The following GAGE12J variants were observed in gnomAD, a reference collection of about 807,000 sequenced individuals.
GAGE12J encodes the protein G antigen 12J.
Under a neutral mutation model 8.5 loss-of-function variants are expected in GAGE12J, and 5 were observed. That is an observed-to-expected ratio of 0.59 (90% CI 0.31 to 1.24). GAGE12J has a LOEUF of 1.24. Ranked by LOEUF, GAGE12J falls within the 50% of genes most tolerant of loss-of-function variation. The probability of loss-of-function intolerance (pLI) is 0.06; values close to 1 mark genes in which losing one functional copy is unlikely to be tolerated. For missense variants in GAGE12J, 26 were observed against 63.0 expected (o/e 0.41, Z 1.99); for synonymous variants, 10 against 19.2 (o/e 0.52, Z 1.25).
chrX:49,328,173 T>C lies in GAGE12J; in HGVS notation c.332-1098T>C, dbSNP rs6609882. 3.0e-4 allele frequency among the ~76,000 whole-genome samples: 23 copies of C among 75,531 alleles called. 1 individual carries two copies. Among genetic ancestry groups the C allele is most frequent in the Middle Eastern group, 8.9e-3 (1 of 112 alleles). The allele number at this position is 75,531 out of a possible 115,157, so 65.6% of individuals were successfully genotyped here. A position where few individuals can be genotyped will look rare whatever the true frequency, so the allele number is the denominator to read the frequency against. ...GCACGTTGTGCAGGTTAGTTACATA[T>C]GTATACATGTGCCATGCTGTTGCAC... On this transcript the variant is annotated intron_variant, in intron 4 of 4. Coordinates refer to ENST00000442437, the MANE Select transcript of GAGE12J (RefSeq NM_001098406.4).
At position 49,329,272 on chromosome X, in the gene GAGE12J, TG is replaced by T. The variant is rs1943819925; in HGVS notation, c.334del (p.Glu112LysfsTer30). Reference protein sequence around the residue: ...PEEVKTPEEGEKQSQC With the variant: ...PEEVKTPEEGXKQSQC Reference sequence around the variant, plus strand: ...CCAATCGTTGTGTTTCTGTTACAGGTGAAAAGCAATCACAGTGTTAAAAGAA... The same window carrying T: ...CCAATCGTTGTGTTTCTGTTACAGGTAAAAGCAATCACAGTGTTAAAAGAA... On this transcript the variant is annotated frameshift_variant and splice_region_variant, in exon 5 of 5. Coordinates refer to ENST00000442437, the MANE Select transcript of GAGE12J (RefSeq NM_001098406.4). LOFTEE classifies it high-confidence loss of function. 5.5e-6 allele frequency: 2 copies of T among 361,451 alleles called. No homozygotes were observed. The highest frequency in any genetic ancestry group is 1.3e-4 in the Admixed American group (2 of 15,299). The allele number at this position is 361,451 out of a possible 1,213,427, so 29.8% of individuals were successfully genotyped here.
chrX:49,323,286 T>G lies in GAGE12J; in HGVS notation c.84+9T>G. 8.7e-7 allele frequency: 1 copy of G among 1,144,044 alleles called. No homozygotes were observed. The highest frequency in any genetic ancestry group is 1.8e-5 in the South Asian group (1 of 55,320). The allele number at this position is 1,144,044 out of a possible 1,213,427, so 94.3% of individuals were successfully genotyped here. ...TGATTGGGCCTATGCGGGTGAGTGCTTGAACGTTAATTCGATGTTTTCTAT... is the reference window on the plus strand; with the variant it reads ...TGATTGGGCCTATGCGGGTGAGTGCGTGAACGTTAATTCGATGTTTTCTAT... On this transcript the variant is annotated intron_variant, in intron 2 of 4. Coordinates refer to ENST00000442437, the MANE Select transcript of GAGE12J (RefSeq NM_001098406.4).
In GAGE12J at chrX:49,323,293, T is replaced by A. The variant is rs782493893; in HGVS notation, c.84+16T>A. ...GCCTATGCGGGTGAGTGCTTGAACGTTAATTCGATGTTTTCTATTAGTAGA... is the reference window on the plus strand; with the variant it reads ...GCCTATGCGGGTGAGTGCTTGAACGATAATTCGATGTTTTCTATTAGTAGA... On this transcript the variant is annotated intron_variant, in intron 2 of 4. Coordinates refer to ENST00000442437, the MANE Select transcript of GAGE12J (RefSeq NM_001098406.4). The A allele has an allele frequency of 4.4e-5, 50 of 1,134,217 alleles. 2 individuals are homozygous for A. The highest frequency in any genetic ancestry group is 6.7e-5 in the Admixed American group (3 of 44,572). 93.5% of individuals were successfully genotyped at this position (1,134,217 alleles called of 1,213,427 possible).
intron 3 of GAGE12J, 89 bp downstream of exon 3, chrX:49,323,952 G>T (rs2066434563): frequency 1.3e-5 from 15 of 1,148,961 alleles, no homozygotes; most frequent in Non-Finnish European, 3.5e-6. Context: ...GTGTGTGTGT[G>T]TGTGTGTTAG....
rs782493893 is a variant in GAGE12J at position 49,323,293 on chromosome X, T to C, written c.84+16T>C. 8.8e-7 allele frequency: 1 copy of C among 1,136,220 alleles called. No homozygotes were observed. The highest frequency in any genetic ancestry group is 2.2e-5 in the Admixed American group (1 of 44,894). The allele number at this position is 1,136,220 out of a possible 1,213,427, so 93.6% of individuals were successfully genotyped here. A position where few individuals can be genotyped will look rare whatever the true frequency, so the allele number is the denominator to read the frequency against. Reference sequence around the variant, plus strand: ...GCCTATGCGGGTGAGTGCTTGAACGTTAATTCGATGTTTTCTATTAGTAGA... The same window carrying C: ...GCCTATGCGGGTGAGTGCTTGAACGCTAATTCGATGTTTTCTATTAGTAGA... On this transcript the variant is annotated intron_variant, in intron 2 of 4. Coordinates refer to ENST00000442437, the MANE Select transcript of GAGE12J (RefSeq NM_001098406.4).
rs6651595 is a variant in GAGE12J at position 49,323,337 on chromosome X, C to T, written c.84+60C>T. ...TAGTAGAAATTAATTTTTGTGATAG[C>T]GTTGTTGCATTAGTGTGGAAATGCT... On this transcript the variant is annotated intron_variant, in intron 2 of 4. Transcript: ENST00000442437. 410 of 974,110 alleles carry T rather than the reference C, an allele frequency of 4.2e-4. 6 individuals are homozygous for T. In the African/African-American group the frequency reaches 6.9e-3, roughly 16 times the overall value. 80.3% of individuals were successfully genotyped at this position (974,110 alleles called of 1,213,427 possible).
intron 3 of GAGE12J, among the ~76,000 whole-genome samples, chrX:49,325,727 A>T (rs2066442563): frequency 1.3e-5 from 1 of 75,330 alleles, no homozygotes; most frequent in Non-Finnish European, 3.3e-5. Flanking sequence ...CATTTCTTGG[A>T]TCATCACTGC....
intron 1 of GAGE12J, among the ~76,000 whole-genome samples, chrX:49,322,414 C>A (rs1232734479): frequency 9.2e-6 from 1 of 108,889 alleles, no homozygotes; most frequent in Non-Finnish European, 2.0e-5. Context: ...GATGGAAGTC[C>A]CGAGGTGCCG....
intron 3 of GAGE12J, among the ~76,000 whole-genome samples, 158 bp downstream of exon 3, chrX:49,324,021 GACT>G (rs2066435110): frequency 1.8e-5 from 1 of 55,735 alleles, no homozygotes; most frequent in South Asian, 9.4e-4. Context: ...GCCTGAAATT[GACT>G]GGAAAAGCGA....
intron 1 of GAGE12J, among the ~76,000 whole-genome samples, chrX:49,322,641 G>T (rs1196108974): frequency 1.1e-5 from 1 of 92,280 alleles, no homozygotes; most frequent in African/African-American, 3.6e-5. Context: ...GCGAGGCAGT[G>T]CGGTCCAACC....
chrX:49,322,335 G>A (rs2066422245), intron 1 of GAGE12J, among the ~76,000 whole-genome samples, 191 bp downstream of exon 1: 1 of 105,514 alleles, frequency 9.5e-6, no homozygotes, highest in African/African-American at 3.3e-5. Flanking sequence ...CCTGGACGGG[G>A]AGGAAGGTGG....
rs1328049469 is a variant in GAGE12J at position 49,323,237 on chromosome X, G to T, written c.44G>T (p.Arg15Ile). Reference protein sequence around the residue: ...GRSTYYWPRPRPYVQPPEMIG... With the variant: ...GRSTYYWPRPIPYVQPPEMIG... ...TCGACCTATTATTGGCCTAGACCAA[G>T]ACCCTATGTACAGCCTCCTGAAATG... The change falls in exon 2 of 5, where the codon AGA (arginine) becomes ATA (isoleucine). Residue 15 changes from arginine to isoleucine, a missense_variant. Around this residue, in one of 2 missense-constraint regions of GAGE12J, gnomAD observed 26 missense variants for 21.9 expected, o/e 1.19. Transcript: ENST00000442437. 8.7e-7 allele frequency: 1 copy of T among 1,148,134 alleles called. No homozygotes were observed. Among genetic ancestry groups the T allele is most frequent in the Admixed American group, 2.2e-5 (1 of 45,376 alleles). The allele number at this position is 1,148,134 out of a possible 1,213,427, so 94.6% of individuals were successfully genotyped here. A position where few individuals can be genotyped will look rare whatever the true frequency, so the allele number is the denominator to read the frequency against.
chrX:49,324,023 C>G (rs1156661608), intron 3 of GAGE12J, among the ~76,000 whole-genome samples, 160 bp downstream of exon 3: 7 of 53,239 alleles, frequency 1.3e-4, no homozygotes, highest in Non-Finnish European at 1.9e-4. Flanking sequence ...CTGAAATTGA[C>G]TGGAAAAGCG....
chrX:49,324,720 A>T (rs2066437922), intron 3 of GAGE12J, among the ~76,000 whole-genome samples: 1 of 61,252 alleles, frequency 1.6e-5, no homozygotes, highest in East Asian at 5.4e-4. Context: ...AAACAATGTT[A>T]TATTTGGTGC....
chrX:49,327,977 C>T (rs2066450466), intron 4 of GAGE12J, among the ~76,000 whole-genome samples: 1 of 34,146 alleles, frequency 2.9e-5, no homozygotes, highest in African/African-American at 5.0e-5. Flanking sequence ...ACTACATGCA[C>T]AAGCCACCGT....
intron 1 of GAGE12J, 77 bp downstream of exon 1, chrX:49,322,221 TC>T (rs2066421565): frequency 2.5e-5 from 7 of 280,282 alleles, no homozygotes; most frequent in Non-Finnish European, 3.3e-5. Flanking sequence ...GTCAGGCGGG[TC>T]CCGCTTCCTG....
chrX:49,322,488 G>A (rs782267529), intron 1 of GAGE12J, among the ~76,000 whole-genome samples: 7 of 105,829 alleles, frequency 6.6e-5, no homozygotes, highest in Admixed American at 5.9e-4. Flanking sequence ...GAGGCGGGCG[G>A]TGAAGAAGGG....
intron 4 of GAGE12J, among the ~76,000 whole-genome samples, chrX:49,328,091 T>TC (rs1166089205): frequency 5.5e-5 from 4 of 72,817 alleles, no homozygotes; most frequent in African/African-American, 1.1e-4. Flanking sequence ...TTCTTTTTTT[T>TC]CTTTTATTTA....
chrX:49,322,362 G>A (rs1182388366), intron 1 of GAGE12J, among the ~76,000 whole-genome samples: 11 of 107,311 alleles, frequency 1.0e-4, no homozygotes, highest in East Asian at 2.9e-4. Flanking sequence ...GAGGGGAGGC[G>A]GTCAGGGGCT....
Sources: allele counts gnomAD v4.1 joint callset (sites outside exome capture counted in the v4.1 genomes callset), GRCh38; gene constraint gnomAD v4.1.1; regional missense constraint gnomAD v4.1.1; transcripts MANE v1.5; gene names NCBI Gene and HGNC (gene_info 2026-07-23, HGNC 2026-07-21).